KCNH7: variants seen among roughly 807,000 people sequenced by gnomAD.
The protein encoded by KCNH7 is voltage-gated inwardly rectifying potassium channel KCNH7.
In KCNH7, 49 loss-of-function variants were observed where a neutral mutation model predicts 120.8. The observed-to-expected ratio is 0.41, with a 90% CI of 0.32 to 0.51. KCNH7 has a LOEUF of 0.51. Ranked by LOEUF, KCNH7 falls within the 20% of genes least tolerant of loss-of-function variation. The pLI is 0.38. For missense variants in KCNH7, 1,097 were observed against 1,446.6 expected (o/e 0.76, Z 3.92); for synonymous variants, 547 against 516.1 (o/e 1.06, Z -0.81).
chr2:162,771,146 C>A (rs767931560), intron 2 of KCNH7, among the ~76,000 whole-genome samples: 1 of 152,092 alleles, frequency 6.6e-6, no homozygotes, highest in Non-Finnish European at 1.5e-5. Flanking sequence ...ATTCTGCAGA[C>A]CATTTCCATT....
intron 2 of KCNH7, among the ~76,000 whole-genome samples, chr2:162,758,950 G>A (rs934590096): frequency 3.3e-5 from 5 of 152,116 alleles, no homozygotes. Flanking sequence ...GGAAACAAAG[G>A]ATGACATAAA....
At chr2:162,804,157 CA>C (rs1684448318) in intron 2 of KCNH7, among the ~76,000 whole-genome samples, 2 of 151,780 alleles carry the variant, frequency 1.3e-5, no homozygotes, top group African/African-American at 4.8e-5. Flanking sequence ...TCATTCTAAG[CA>C]TTCTCCCTAA....
intron 2 of KCNH7, among the ~76,000 whole-genome samples, chr2:162,540,936 G>T (rs1006136747): frequency 6.6e-6 from 1 of 152,022 alleles, no homozygotes. Flanking sequence ...GTAATGAGGG[G>T]TCTGTTTGGG....
chr2:162,552,797 G>A (rs942099331), intron 2 of KCNH7, among the ~76,000 whole-genome samples: 10 of 152,176 alleles, frequency 6.6e-5, no homozygotes, highest in African/African-American at 2.4e-4. Context: ...TAAACAGCCA[G>A]GAGGAAAGTG....
chr2:162,480,106 A>G (rs1461858296), intron 6 of KCNH7, among the ~76,000 whole-genome samples: 2 of 146,760 alleles, frequency 1.4e-5, no homozygotes, highest in Non-Finnish European at 2.9e-5. Flanking sequence ...ATTATGCTAT[A>G]AAAAATGGAG....
chr2:162,664,323 T>C lies in KCNH7; in HGVS notation c.308-127243A>G, dbSNP rs1685064433. Among the ~76,000 whole-genome samples the C allele has an allele frequency of 1.3e-5, 2 of 152,106 alleles. 1 individual carries two copies. The highest frequency in any genetic ancestry group is 4.1e-4 in the South Asian group (2 of 4,830). On this transcript the variant is annotated intron_variant, in intron 2 of 15. Coordinates refer to ENST00000332142, the MANE Select transcript of KCNH7 (RefSeq NM_033272.4). ...CTGGATAAAACTCCAGGTGAAAAAT[T>C]GTGTTAGCAATTTCTTCCCAATTCT...
At chr2:162,495,262 A>G (rs1380172700) in intron 6 of KCNH7, among the ~76,000 whole-genome samples, 1 of 152,178 alleles carries the variant, frequency 6.6e-6, no homozygotes, top group African/African-American at 2.4e-5. Context: ...CTCCTTAGGA[A>G]CTTTGGCCTC....
chr2:162,512,711 T>C, intron 4 of KCNH7, 37 bp from the exon 5 acceptor site: 1 of 1,552,162 alleles, frequency 6.4e-7, no homozygotes, highest in Non-Finnish European at 8.9e-7. Context: ...AAGAGAAATA[T>C]AAAAAGAAGA....
intron 9 of KCNH7, among the ~76,000 whole-genome samples, chr2:162,419,557 A>G (rs1687639266): frequency 6.6e-6 from 1 of 152,080 alleles, no homozygotes. Context: ...GGTCTTCTGA[A>G]TCCCTATTCT....
rs973077780 is a variant in KCNH7 at position 162,763,631 on chromosome 2, G to A, written c.307+72906C>T. On this transcript the variant is annotated intron_variant, in intron 2 of 15. Coordinates refer to ENST00000332142, the MANE Select transcript of KCNH7 (RefSeq NM_033272.4). ...AAATGGGGTATAGGAATTGTGTTAAGAGAAATGAATGACCAGGGGAAGTTA... is the reference window on the plus strand; with the variant it reads ...AAATGGGGTATAGGAATTGTGTTAAAAGAAATGAATGACCAGGGGAAGTTA... Among the ~76,000 whole-genome samples the A allele has an allele frequency of 5.3e-5, 8 of 151,898 alleles. No homozygotes were observed. The South Asian group carries it at 6.2e-4, about 12-fold the overall frequency.
At chr2:162,384,643 G>A in intron 13 of KCNH7, 45 bp downstream of exon 13, 1 of 1,579,076 alleles carries the variant, frequency 6.3e-7, no homozygotes, top group Non-Finnish European at 8.6e-7. Flanking sequence ...ACCATTTTGT[G>A]ATTAGCACTG....
rs79423908 is a variant in KCNH7, at chr2:162,520,587, C to A, written c.464-2429G>T. 3.5e-3 allele frequency among the ~76,000 whole-genome samples: 525 copies of A among 151,548 alleles called. 18 individuals carry two copies. In the East Asian group the frequency reaches 0.091, roughly 26 times the overall value. On this transcript the variant is annotated intron_variant, in intron 3 of 15. Coordinates refer to ENST00000332142, the MANE Select transcript of KCNH7 (RefSeq NM_033272.4). ...TGAATCTGGGCAACATAGCAAGAAC[C>A]CCCATCTCTATAAAAAAACAACAAC... is the stretch of plus-strand genomic sequence containing the variant.
intron 2 of KCNH7, 36 bp from the exon 3 acceptor site, chr2:162,537,116 T>G: frequency 6.5e-7 from 1 of 1,540,724 alleles, no homozygotes; most frequent in Non-Finnish European, 8.9e-7. Context: ...GTTAAAAATA[T>G]GCCTTCATTC....
chr2:162,508,805 G>T (rs945092938), intron 5 of KCNH7, among the ~76,000 whole-genome samples: 1 of 151,436 alleles, frequency 6.6e-6, no homozygotes, highest in African/African-American at 2.4e-5. Flanking sequence ...GAGTGATCAT[G>T]AACAGATGGG....
intron 2 of KCNH7, among the ~76,000 whole-genome samples, chr2:162,716,692 C>T (rs911608855): frequency 6.6e-6 from 1 of 152,042 alleles, no homozygotes; most frequent in African/African-American, 2.4e-5. Context: ...TTCTTATACC[C>T]AGGGTATTTT....
Position 162,556,448 on chromosome 2 carries a change from A to G in KCNH7, c.308-19368T>C, listed in dbSNP as rs546560071. ...TTAGAGGACTCTTACCTCTACTTTG[A>G]TCATAGTTTATGCTAGGATTTTTAA... is the stretch of plus-strand genomic sequence containing the variant. On this transcript the variant is annotated intron_variant, in intron 2 of 15. Transcript: ENST00000332142. Among the ~76,000 whole-genome samples, 205 of 152,276 alleles carry G rather than the reference A, an allele frequency of 1.3e-3. 1 individual carries two copies. The highest frequency in any genetic ancestry group is 4.7e-3 in the African/African-American group (194 of 41,558).
chr2:162,470,086 G>T (rs1226378924), intron 6 of KCNH7, among the ~76,000 whole-genome samples: 4 of 152,190 alleles, frequency 2.6e-5, no homozygotes, highest in East Asian at 3.9e-4. Flanking sequence ...GCCTGCCTTG[G>T]CCTCCCAAAG....
chr2:162,578,585 A>C (rs950399416), intron 2 of KCNH7, among the ~76,000 whole-genome samples: 2 of 152,044 alleles, frequency 1.3e-5, no homozygotes, highest in African/African-American at 4.8e-5. Context: ...CCAGGGCTGA[A>C]GCTTAGATGA....
chr2:162,787,964 G>T (rs1350556750), intron 2 of KCNH7, among the ~76,000 whole-genome samples: 1 of 152,162 alleles, frequency 6.6e-6, no homozygotes, highest in Non-Finnish European at 1.5e-5. Flanking sequence ...TAGACTCTTT[G>T]GAAAGGCTGA....
Sources: gnomAD v4.1 joint callset for allele counts (sites outside exome capture counted in the v4.1 genomes callset) on GRCh38, gnomAD v4.1.1 for gene constraint, MANE v1.5 for transcripts, NCBI Gene and HGNC (gene_info 2026-07-23, HGNC 2026-07-21) for gene names.